ITGA10: variants seen among roughly 807,000 people sequenced by gnomAD.
The protein encoded by ITGA10 is integrin subunit alpha 10.
Under a neutral mutation model 145.2 loss-of-function variants are expected in ITGA10, and 105 were observed. That is an observed-to-expected ratio of 0.72 (90% confidence interval 0.62 to 0.85). The LOEUF (loss-of-function observed/expected upper bound fraction) is 0.85. ITGA10 is among the 40% of genes least tolerant of loss of function. The pLI is 0.00. For missense variants in ITGA10, 1,317 were observed against 1,444.5 expected, an observed-to-expected ratio of 0.91 and a Z score of 1.43; for synonymous variants, 506 against 557.8, an observed-to-expected ratio of 0.91 and a Z score of 1.31.
chr1:145,905,275 G>A (rs999040397), intron 5 of ITGA10, among the ~76,000 whole-genome samples: 1 of 149,756 alleles, frequency 6.7e-6, no homozygotes, highest in Non-Finnish European at 1.5e-5. Context: ...AGGCATGTGG[G>A]TAGAGAACAT....
Position 145,901,262 on chromosome 1 carries a change from C to A in ITGA10, c.1460G>T (p.Gly487Val), listed in dbSNP as rs1553748249. 6.2e-7 allele frequency: 1 copy of A among 1,614,090 alleles called. No individual in the cohort carries two copies. The highest frequency in any genetic ancestry group is 1.7e-5 in the Admixed American group (1 of 60,020). ...TGTATCCAATGGGCAGAGCTCACTG[C>A]CAAAGTATGAACCAATCTGGGGAAT... is the stretch of plus-strand genomic sequence containing the variant. ...LQGEQIGSYF[G>V]SELCPLDTDR... Residue 487 changes from glycine to valine, a missense_variant, in exon 13 of 30, where the codon GGC becomes GTC. By Grantham distance (109) the Gly-to-Val change is moderately radical. Transcript: ENST00000369304. This position sits in a 1 kb window ranked among gnomAD's most constrained non-coding sequence, Gnocchi z 4.3.
intron 5 of ITGA10, 94 bp downstream of exon 5, chr1:145,906,300 G>T (rs1345132476): frequency 1.0e-5 from 9 of 887,558 alleles, no homozygotes; most frequent in African/African-American, 1.6e-5. Flanking sequence ...TAGCCATGCA[G>T]GCCCTTTGCC....
chr1:145,900,649 C>T, intron 14 of ITGA10, 141 bp downstream of exon 14: 5 of 802,048 alleles, frequency 6.2e-6, no homozygotes, highest in South Asian at 1.7e-5. Flanking sequence ...AGCAACCTGT[C>T]CACTGCCTTA....
Position 145,894,326 on chromosome 1 carries a change from G to C in ITGA10, c.3229-691C>G, listed in dbSNP as rs587616584. 5.9e-5 allele frequency among the ~76,000 whole-genome samples: 9 copies of C among 152,106 alleles called. No homozygotes were observed. In the East Asian group the frequency reaches 1.7e-3, roughly 29 times the overall value. ...AGGGTTTCACCGTGTTAGCCAGGAT[G>C]GTCTCGATCTCCTGATCTCATGATC... On this transcript the variant is annotated intron_variant, in intron 27 of 29. Coordinates refer to ENST00000369304, the MANE Select transcript of ITGA10 (RefSeq NM_003637.5).
chr1:145,909,877 A>T, intron 1 of ITGA10, 86 bp downstream of exon 1: 1 of 1,209,356 alleles, frequency 8.3e-7, no homozygotes, highest in South Asian at 1.2e-5. Context: ...CTAAATCCCA[A>T]AGAATTTTAA....
intron 4 of ITGA10, 37 bp downstream of exon 4, chr1:145,906,696 C>T (rs1657189715): frequency 6.6e-7 from 1 of 1,516,928 alleles, no homozygotes; most frequent in African/African-American, 1.4e-5. Context: ...TTTTATGGAC[C>T]TTCAGAGACA....
intron 27 of ITGA10, 33 bp from the exon 28 acceptor site, chr1:145,893,668 A>T: frequency 6.5e-7 from 1 of 1,528,802 alleles, no homozygotes; most frequent in East Asian, 2.3e-5. Context: ...GACATTTAAA[A>T]TGAGCCATTA....
Position 145,901,706 on chromosome 1 carries a change from G to A in ITGA10, c.1295-42C>T, listed in dbSNP as rs1553748691. The A allele has an allele frequency of 2.0e-6, 3 of 1,537,450 alleles. No individual in the cohort carries two copies. The highest frequency in any genetic ancestry group is 1.3e-5 in the South Asian group (1 of 77,374). On this transcript the variant is annotated intron_variant, in intron 11 of 29. Transcript: ENST00000369304. The surrounding 1 kb of genome is among the most constrained non-coding windows in gnomAD (Gnocchi z 4.3). The stretch of plus-strand genomic sequence containing the variant: ...TAACAGAGGTAAAGGAAAAGAAGAT[G>A]GGGTCCAGAGTAGGGGGGTTCCCTA...
chr1:145,896,747 C>T (rs782329185), intron 23 of ITGA10, 22 bp downstream of exon 23: 16 of 1,585,904 alleles, frequency 1.0e-5, no homozygotes, highest in African/African-American at 1.3e-5. Flanking sequence ...GAACTGGGTC[C>T]CACCCTAGAA....
At chr1:145,897,371 AGC>A in intron 20 of ITGA10, 32 bp from the exon 21 acceptor site, 1 of 1,611,000 alleles carries the variant, frequency 6.2e-7, no homozygotes, top group South Asian at 1.1e-5. Flanking sequence ...TAGAAGCTGG[AGC>A]TGGGGCTGCA....
At chr1:145,899,426 C>CA (rs1553747080) in intron 15 of ITGA10, 85 bp from the exon 16 acceptor site, 1 of 1,468,476 alleles carries the variant, frequency 6.8e-7, no homozygotes, top group Non-Finnish European at 9.3e-7. Flanking sequence ...TCCCCATGGT[C>CA]AAAACAAAGA....
rs1553745265 is a variant in ITGA10 at position 145,896,808 on chromosome 1, G to A, written c.2795C>T (p.Ser932Leu). The A allele has an allele frequency of 6.2e-7, 1 of 1,613,968 alleles. No homozygotes were observed. Residue 932 changes from serine (S) to leucine (L), a missense_variant, in exon 23 of 30, where the codon TCA (serine) becomes TTA (leucine). Physicochemically the swap from Ser to Leu is moderately radical, Grantham distance 145 (BLOSUM62 -2). Coordinates refer to ENST00000369304, the MANE Select transcript of ITGA10 (RefSeq NM_003637.5). ...GTGGGGCTCATATTGGATGTAGGCT[G>A]AGGTCTGGGCTGTGTTATCTTGAAG... ...GTLQDNTAQT[S>L]AYIQYEPHLL...
In ITGA10 at chr1:145,892,845, T is replaced by G; in HGVS notation, c.3457A>C (p.Lys1153Gln). The G allele has an allele frequency of 5.0e-6, 8 of 1,613,950 alleles. No homozygotes were observed. The highest frequency in any genetic ancestry group is 6.8e-6 in the Non-Finnish European group (8 of 1,179,814). ...CLWKLGFFAH[K>Q]KIPEEEKREE... is the part of the protein sequence containing the mutation. ...CTTTTTTCTTCCTCAGGGATTTTCT[T>G]ATGGGCAAAGAAGCCAAGCTGTAGA... The change falls in exon 30 of 30, where the codon AAG (lysine) becomes CAG (glutamine). Residue 1153 changes from lysine (K) to glutamine (Q), a missense_variant. Transcript: ENST00000369304.
rs782322486 is a variant in ITGA10, at chr1:145,901,925, G to C, written c.1246C>G (p.Leu416Val). Residue 416 changes from leucine (L) to valine (V), a missense_variant, in exon 11 of 30, where the codon CTG (leucine) becomes GTG (valine). Leu to Val is a conservative substitution (Grantham distance 32). Transcript: ENST00000369304. This position sits in a 1 kb window ranked among gnomAD's most constrained non-coding sequence, Gnocchi z 4.3. ...GHRLFPPRMA[L>V]EDEFPPALQN... ...AATGCAGGGGGGAACTCGTCTTCCA[G>C]TGCCATTCGTGGGGGGAAAAGGCGG... is the stretch of plus-strand genomic sequence containing the variant. 1 of 1,614,174 alleles carries C rather than the reference G, an allele frequency of 6.2e-7. No homozygotes were observed. Among genetic ancestry groups the C allele is most frequent in the African/African-American group, 1.3e-5 (1 of 75,044 alleles).
chr1:145,895,397 A>G lies in ITGA10; in HGVS notation c.3115-4T>C, dbSNP rs375244751. 21 of 1,608,442 alleles carry G rather than the reference A, an allele frequency of 1.3e-5. No individual in the cohort carries two copies. The highest frequency in any genetic ancestry group is 1.5e-5 in the Non-Finnish European group (18 of 1,175,130). On this transcript the variant is annotated splice_polypyrimidine_tract_variant and splice_region_variant and intron_variant, in intron 26 of 29. Transcript: ENST00000369304. ...GACACTGAGTATTGCTCCCATTCTA[A>G]CAGAAGAGACAGAGAGAGACAGATC...
At chr1:145,898,624 T>A (rs1391510759) in intron 17 of ITGA10, among the ~76,000 whole-genome samples, 3 of 152,162 alleles carry the variant, frequency 2.0e-5, no homozygotes, top group Non-Finnish European at 2.9e-5. Flanking sequence ...TGCCTCGGCC[T>A]CCCAAAGTGC....
Position 145,900,118 on chromosome 1 carries a change from G to GATCT in ITGA10, c.1857_1860dup (p.Leu621ArgfsTer6), listed in dbSNP as rs1656043524. 6.2e-7 allele frequency: 1 copy of GATCT among 1,614,006 alleles called. No homozygotes were observed. The highest frequency in any genetic ancestry group is 1.3e-5 in the African/African-American group (1 of 74,918). ...ACATCGACCAGATCATCTCCATCCA[G>GATCT]ATCTAGCCGACCATCCACACTTCGG... On this transcript the variant is annotated frameshift_variant, in exon 15 of 30. Coordinates refer to ENST00000369304, the MANE Select transcript of ITGA10 (RefSeq NM_003637.5). LOFTEE classifies it high-confidence loss of function.
intron 6 of ITGA10, 89 bp downstream of exon 6, chr1:145,904,595 G>C (rs1656858061): frequency 2.8e-6 from 4 of 1,407,026 alleles, no homozygotes; most frequent in Admixed American, 1.7e-5. Context: ...GGCTAGTCTT[G>C]AACTCCTGGC....
Position 145,892,748 on chromosome 1 carries a change from G to T in ITGA10, c.*50C>A. 7.1e-7 allele frequency: 1 copy of T among 1,402,134 alleles called. No individual in the cohort carries two copies. 86.9% of individuals were successfully genotyped at this position (1,402,134 alleles called of 1,614,324 possible). A position where few individuals can be genotyped will look rare whatever the true frequency, so the allele number is the denominator to read the frequency against. The stretch of plus-strand genomic sequence containing the variant: ...CCCCCAAACCTCTGCTTTTATGCAA[G>T]TCTCTTGAAGAAGCTGCCAGGGAGG... On this transcript the variant is annotated 3_prime_UTR_variant, in exon 30 of 30. Coordinates refer to ENST00000369304, the MANE Select transcript of ITGA10 (RefSeq NM_003637.5).
Sources: gnomAD v4.1 joint callset for allele counts (sites outside exome capture counted in the v4.1 genomes callset) on GRCh38, gnomAD v4.1.1 for gene constraint, Gnocchi (gnomAD v3.1) non-coding constraint, MANE v1.5 for transcripts, NCBI Gene and HGNC (gene_info 2026-07-23, HGNC 2026-07-21) for gene names.